Variants in SPON1 observed in about 807,000 individuals in gnomAD.
SPON1 encodes spondin 1, also known as spondin-1.
In SPON1, 52 loss-of-function variants were observed where a neutral mutation model predicts 111.7. That is an observed-to-expected ratio of 0.47 (90% CI 0.37 to 0.59). SPON1 has a LOEUF of 0.59. SPON1 is among the 20% of genes least tolerant of loss of function. The probability of loss-of-function intolerance (pLI) is 0.00; values close to 1 mark genes in which losing one functional copy is unlikely to be tolerated. For missense variants in SPON1, 957 were observed against 1,068.5 expected (o/e 0.90, Z 1.46); for synonymous variants, 410 against 395.8 (o/e 1.04, Z -0.43).
chr11:14,195,315 A>G (rs569191511), intron 6 of SPON1, among the ~76,000 whole-genome samples: 1 of 152,358 alleles, frequency 6.6e-6, no homozygotes, highest in East Asian at 1.9e-4. Context: ...ACCTTGCAAT[A>G]AAAGTGTCAG....
At chr11:13,986,031 T>C (rs1256204024) in intron 2 of SPON1, among the ~76,000 whole-genome samples, 2 of 152,216 alleles carry the variant, frequency 1.3e-5, no homozygotes, top group Admixed American at 6.5e-5. Context: ...AAAGCTGTTA[T>C]CTTTGGAGTC....
chr11:14,033,913 A>G (rs1424077400), intron 2 of SPON1, among the ~76,000 whole-genome samples: 1 of 152,206 alleles, frequency 6.6e-6, no homozygotes, highest in East Asian at 1.9e-4. Flanking sequence ...CTTATCAGCA[A>G]ATCTCTCCCA....
intron 2 of SPON1, among the ~76,000 whole-genome samples, chr11:14,019,788 G>A (rs1156664717): frequency 2.0e-5 from 3 of 152,150 alleles, no homozygotes; most frequent in African/African-American, 4.8e-5. Flanking sequence ...TAGCTCCTCC[G>A]GTTCATAAAT....
intron 2 of SPON1, among the ~76,000 whole-genome samples, chr11:13,998,356 C>T (rs1023693012): frequency 6.6e-6 from 1 of 152,186 alleles, no homozygotes; most frequent in African/African-American, 2.4e-5. Flanking sequence ...TACTGCTAAA[C>T]CCCTAAAATC....
chr11:13,996,889 A>G (rs1554911862), intron 2 of SPON1, among the ~76,000 whole-genome samples: 1 of 152,200 alleles, frequency 6.6e-6, no homozygotes, highest in Admixed American at 6.5e-5. Flanking sequence ...ACTCCATCAT[A>G]CTGTTGAATT....
intron 6 of SPON1, among the ~76,000 whole-genome samples, chr11:14,204,640 G>A (rs1564930640): frequency 1.3e-5 from 2 of 151,644 alleles, no homozygotes; most frequent in Non-Finnish European, 2.9e-5. Flanking sequence ...AAGTATGTTT[G>A]AAAAGAAGGG....
chr11:14,030,746 C>T (rs1182242830), intron 2 of SPON1, among the ~76,000 whole-genome samples: 1 of 152,176 alleles, frequency 6.6e-6, no homozygotes, highest in Non-Finnish European at 1.5e-5. Context: ...AACACTTGTA[C>T]ACTGTAGGTG....
chr11:14,265,602 C>T lies in SPON1; in HGVS notation c.2339C>T (p.Thr780Ile). Residue 780 changes from threonine (T) to isoleucine (I), a missense_variant, in exon 16 of 16, where the codon ACT becomes ATT. By Grantham distance (89) the Thr-to-Ile change is moderately conservative (BLOSUM62 -1). Transcript: ENST00000576479. ...CGGGIQERYM[T>I]VKKRFKSSQF... Reference sequence around the variant, plus strand: ...GGTGGAATTCAGGAACGTTACATGACTGTAAAGAAGAGATTCAAAAGCTCC... The same window carrying T: ...GGTGGAATTCAGGAACGTTACATGATTGTAAAGAAGAGATTCAAAAGCTCC... 1.2e-6 allele frequency: 2 copies of T among 1,613,640 alleles called. No homozygotes were observed. The highest frequency in any genetic ancestry group is 1.7e-6 in the Non-Finnish European group (2 of 1,179,794).
intron 9 of SPON1, 82 bp downstream of exon 9, chr11:14,255,869 CAT>C: frequency 7.0e-7 from 1 of 1,431,996 alleles, no homozygotes; most frequent in Non-Finnish European, 9.4e-7. Flanking sequence ...GCTCTAGAAT[CAT>C]AGAGTCACTG....
chr11:14,215,814 G>T (rs782790892), intron 6 of SPON1, among the ~76,000 whole-genome samples: 1 of 152,154 alleles, frequency 6.6e-6, no homozygotes, highest in East Asian at 1.9e-4. Flanking sequence ...ACAGGCTGGT[G>T]GTCTATTTCT....
chr11:14,084,526 A>C (rs1554922397), intron 5 of SPON1, among the ~76,000 whole-genome samples: 1 of 152,050 alleles, frequency 6.6e-6, no homozygotes, highest in African/African-American at 2.4e-5. Flanking sequence ...TATGTGATGC[A>C]TTTTCTTTAT....
intron 10 of SPON1, 87 bp from the exon 11 acceptor site, chr11:14,257,629 C>T (rs1471091830): frequency 1.5e-6 from 2 of 1,317,996 alleles, no homozygotes; most frequent in Non-Finnish European, 2.0e-6. Context: ...CATGGCTTTT[C>T]TTGTCCCCAG....
chr11:14,137,856 C>T (rs1554928294), intron 6 of SPON1, among the ~76,000 whole-genome samples: 1 of 152,160 alleles, frequency 6.6e-6, no homozygotes, highest in Non-Finnish European at 1.5e-5. Flanking sequence ...CCTCTGCTAA[C>T]AGTGCCTCAG....
chr11:14,148,470 G>A (rs1554929579), intron 6 of SPON1, among the ~76,000 whole-genome samples: 6 of 125,328 alleles, frequency 4.8e-5, no homozygotes, highest in African/African-American at 1.7e-4. Flanking sequence ...TTTTATAGTT[G>A]AAATAAAAAA....
At chr11:14,127,616 G>A (rs1461474665) in intron 5 of SPON1, among the ~76,000 whole-genome samples, 2 of 152,212 alleles carry the variant, frequency 1.3e-5, no homozygotes, top group African/African-American at 4.8e-5. Context: ...GCCTGCCTCT[G>A]CATTTTTGGG....
At chr11:14,144,699 G>T (rs142800485) in intron 6 of SPON1, among the ~76,000 whole-genome samples, 1 of 151,196 alleles carries the variant, frequency 6.6e-6, no homozygotes, top group Non-Finnish European at 1.5e-5. Flanking sequence ...ACCCAAAGAA[G>T]ACTTTGAGTA....
intron 6 of SPON1, among the ~76,000 whole-genome samples, chr11:14,212,550 G>A (rs1848587664): frequency 6.6e-6 from 1 of 152,132 alleles, no homozygotes; most frequent in South Asian, 2.1e-4. Context: ...ACTGATTCAT[G>A]TGACTTTAAC....
chr11:14,060,049 C>A (rs1848779758), intron 3 of SPON1, among the ~76,000 whole-genome samples: 2 of 152,092 alleles, frequency 1.3e-5, no homozygotes, highest in Admixed American at 1.3e-4. Flanking sequence ...AGGAAGTACC[C>A]CTTTACATTT....
intron 6 of SPON1, among the ~76,000 whole-genome samples, chr11:14,205,008 T>A (rs1554936040): frequency 6.6e-6 from 1 of 152,172 alleles, no homozygotes; most frequent in East Asian, 1.9e-4. Flanking sequence ...TTCTTTATCC[T>A]GTCTTCCTCT....
Sources: gnomAD v4.1 joint callset for allele counts (sites outside exome capture counted in the v4.1 genomes callset) on GRCh38, gnomAD v4.1.1 for gene constraint, MANE v1.5 for transcripts, NCBI Gene and HGNC (gene_info 2026-07-23, HGNC 2026-07-21) for gene names.